The following LRRC20 variants were observed in gnomAD, a reference collection of about 807,000 sequenced individuals.
The protein encoded by LRRC20 is leucine-rich repeat-containing protein 20.
LRRC20 carries 11 observed loss-of-function variants against 14.4 expected under a neutral mutation model. The ratio of observed to expected loss-of-function variants is 0.77; its 90% CI spans 0.48 to 1.27. LRRC20 has a LOEUF of 1.27. Among genes scored for constraint, LRRC20 ranks in the 50% most tolerant of loss-of-function variants. The probability of loss-of-function intolerance (pLI) is 0.00; values close to 1 mark genes in which losing one functional copy is unlikely to be tolerated. For missense variants in LRRC20, 219 were observed against 251.2 expected, an observed-to-expected ratio of 0.87 and a Z score of 0.87; for synonymous variants, 121 against 107.3, an observed-to-expected ratio of 1.13 and a Z score of -0.79.
At chr10:70,337,936 T>C (rs573159449) in intron 3 of LRRC20, among the ~76,000 whole-genome samples, 1 of 152,248 alleles carries the variant, frequency 6.6e-6, no homozygotes, top group South Asian at 2.1e-4. Context: ...GACTGTGCCC[T>C]TTCTGAGGGC....
At chr10:70,344,284 A>G (rs1843006203) in intron 2 of LRRC20, among the ~76,000 whole-genome samples, 1 of 152,232 alleles carries the variant, frequency 6.6e-6, no homozygotes, top group African/African-American at 2.4e-5. Context: ...ACAGACATTG[A>G]AAACAGACAA....
At chr10:70,304,927 G>C (rs1285768261) in intron 4 of LRRC20, among the ~76,000 whole-genome samples, 1 of 152,188 alleles carries the variant, frequency 6.6e-6, no homozygotes, top group Non-Finnish European at 1.5e-5. Flanking sequence ...GCTCACACCG[G>C]TAATCCCAGC....
chr10:70,356,539 C>T (rs1843532512), intron 2 of LRRC20, among the ~76,000 whole-genome samples: 1 of 149,220 alleles, frequency 6.7e-6, no homozygotes, highest in Admixed American at 6.7e-5. Flanking sequence ...AAAATAAAAA[C>T]AAATAAATAA....
chr10:70,330,709 G>A (rs1345612924), intron 3 of LRRC20, among the ~76,000 whole-genome samples: 2 of 152,348 alleles, frequency 1.3e-5, no homozygotes, highest in South Asian at 2.1e-4. Flanking sequence ...ACCGGCAAGA[G>A]AGCAAGTTCT....
chr10:70,322,557 G>T (rs1287872783), intron 4 of LRRC20, among the ~76,000 whole-genome samples: 1 of 152,162 alleles, frequency 6.6e-6, no homozygotes, highest in Non-Finnish European at 1.5e-5. Context: ...CTTCTGCTTA[G>T]AGAATACTCA....
chr10:70,301,219 G>A lies in LRRC20; in HGVS notation c.*135C>T. On this transcript the variant is annotated 3_prime_UTR_variant, in exon 5 of 5. Transcript: ENST00000446961. ...TGTAAGCTATCTATCCAGACCAGCT[G>A]CACCCCACCCACCACGTGCTGCTCG... 6.9e-7 allele frequency: 1 copy of A among 1,442,130 alleles called. No homozygotes were observed. Among genetic ancestry groups the A allele is most frequent in the South Asian group, 1.5e-5 (1 of 68,566 alleles). 89.3% of individuals were successfully genotyped at this position (1,442,130 alleles called of 1,614,324 possible).
chr10:70,366,933 T>C lies in LRRC20; in HGVS notation c.82+9519A>G, dbSNP rs115853470. On this transcript the variant is annotated intron_variant, in intron 2 of 4. Transcript: ENST00000446961. ...CAAAGGACTTGAGTATCCTTGAATA[T>C]TGGTATCTGTGGGGCTCCCGGAACC... Among the ~76,000 whole-genome samples, 486 of 152,280 alleles carry C rather than the reference T, an allele frequency of 3.2e-3. 5 individuals carry two copies. Among genetic ancestry groups the C allele is most frequent in the African/African-American group, 0.011 (469 of 41,550 alleles).
Position 70,330,296 on chromosome 10 carries a change from T to C in LRRC20, c.233-6266A>G, listed in dbSNP as rs146636973. Among the ~76,000 whole-genome samples, 23 of 152,296 alleles carry C rather than the reference T, an allele frequency of 1.5e-4. No homozygotes were observed. In the East Asian group the frequency reaches 4.4e-3, roughly 29 times the overall value. ...ATTCCACTTATTTGATAGTCATAGG[T>C]CTCTTCAGGTTGTCTGTTTCATCTT... On this transcript the variant is annotated intron_variant, in intron 3 of 4. Coordinates refer to ENST00000446961, the MANE Select transcript of LRRC20 (RefSeq NM_001278212.2).
chr10:70,373,462 T>C (rs577194175), intron 2 of LRRC20, among the ~76,000 whole-genome samples: 2 of 152,210 alleles, frequency 1.3e-5, no homozygotes, highest in East Asian at 3.9e-4. Flanking sequence ...ATACAGCAGG[T>C]ACTCAATACA....
chr10:70,353,569 C>T (rs1216174346), intron 2 of LRRC20, among the ~76,000 whole-genome samples: 1 of 152,108 alleles, frequency 6.6e-6, no homozygotes, highest in African/African-American at 2.4e-5. Context: ...AGGCATGCAC[C>T]ACCACGCCCA....
At chr10:70,348,489 C>T (rs946514185) in intron 2 of LRRC20, among the ~76,000 whole-genome samples, 1 of 152,212 alleles carries the variant, frequency 6.6e-6, no homozygotes, top group Non-Finnish European at 1.5e-5. Flanking sequence ...TTCACATGTG[C>T]TATGTAAGTA....
intron 2 of LRRC20, among the ~76,000 whole-genome samples, chr10:70,357,249 T>C (rs1007287428): frequency 2.6e-5 from 4 of 152,212 alleles, no homozygotes; most frequent in African/African-American, 9.6e-5. Flanking sequence ...GTTTCTTTTT[T>C]GGGTGATGAA....
At chr10:70,335,634 C>A (rs1243310256) in intron 3 of LRRC20, among the ~76,000 whole-genome samples, 2 of 152,214 alleles carry the variant, frequency 1.3e-5, no homozygotes, top group Non-Finnish European at 2.9e-5. Flanking sequence ...GCTTCTCTGC[C>A]TTTTCCACAG....
At chr10:70,324,922 C>G (rs1348337296) in intron 3 of LRRC20, among the ~76,000 whole-genome samples, 1 of 152,096 alleles carries the variant, frequency 6.6e-6, no homozygotes, top group Non-Finnish European at 1.5e-5. Context: ...TCACCTGTAG[C>G]AAGGAGCTAA....
In LRRC20 at chr10:70,300,258, A is replaced by G. The variant is rs1841121034; in HGVS notation, c.*1096T>C. ...CAGGCCCTCTCCTGGTAGGGGACCA[A>G]CCATCCCCACTTGCTGGGTACTGTC... On this transcript the variant is annotated 3_prime_UTR_variant, in exon 5 of 5. Coordinates refer to ENST00000446961, the MANE Select transcript of LRRC20 (RefSeq NM_001278212.2). 2.9e-6 allele frequency: 2 copies of G among 690,540 alleles called. No individual in the cohort carries two copies. The highest frequency in any genetic ancestry group is 1.3e-4 in the South Asian group (2 of 15,438). 42.8% of individuals were successfully genotyped at this position (690,540 alleles called of 1,614,324 possible). A position where few individuals can be genotyped will look rare whatever the true frequency, so the allele number is the denominator to read the frequency against.
chr10:70,370,691 C>T (rs888832598), intron 2 of LRRC20, among the ~76,000 whole-genome samples: 36 of 151,902 alleles, frequency 2.4e-4, no homozygotes, highest in Admixed American at 5.3e-4. Flanking sequence ...TACAGTGAGC[C>T]GAGATCACAC....
chr10:70,372,445 G>GTTTT (rs35874508), intron 2 of LRRC20, among the ~76,000 whole-genome samples: 4 of 133,308 alleles, frequency 3.0e-5, no homozygotes, highest in Non-Finnish European at 4.7e-5. Context: ...CCTTCTTTTC[G>GTTTT]TTTTTTTTTT....
chr10:70,337,840 G>C (rs1842770658), intron 3 of LRRC20, among the ~76,000 whole-genome samples: 1 of 152,210 alleles, frequency 6.6e-6, no homozygotes, highest in African/African-American at 2.4e-5. Flanking sequence ...TGGGCCTCCG[G>C]ACCTAGGTCT....
chr10:70,300,956 C>T lies in LRRC20; in HGVS notation c.*398G>A. 1 of 1,001,974 alleles carries T rather than the reference C, an allele frequency of 1.0e-6. No homozygotes were observed. Among genetic ancestry groups the T allele is most frequent in the Non-Finnish European group, 1.2e-6 (1 of 841,480 alleles). The allele number at this position is 1,001,974 out of a possible 1,614,324, so 62.1% of individuals were successfully genotyped here. A position where few individuals can be genotyped will look rare whatever the true frequency, so the allele number is the denominator to read the frequency against. On this transcript the variant is annotated 3_prime_UTR_variant, in exon 5 of 5. Coordinates refer to ENST00000446961, the MANE Select transcript of LRRC20 (RefSeq NM_001278212.2). ...ACAAGGCCTCAAACCCGCAGGGGCTCAGAAAATACCTGGCAATGCCCACCT... is the reference window on the plus strand; with the variant it reads ...ACAAGGCCTCAAACCCGCAGGGGCTTAGAAAATACCTGGCAATGCCCACCT...
Sources: gnomAD v4.1 joint callset for allele counts (sites outside exome capture counted in the v4.1 genomes callset) on GRCh38, gnomAD v4.1.1 for gene constraint, MANE v1.5 for transcripts, NCBI Gene and HGNC (gene_info 2026-07-23, HGNC 2026-07-21) for gene names.